PHIP: variants seen among roughly 807,000 people sequenced by gnomAD.
The protein encoded by PHIP is PH-interacting protein.
In PHIP, 54 loss-of-function variants were observed where a neutral mutation model predicts 236.8. That is an observed-to-expected ratio of 0.23 (90% CI 0.18 to 0.29). The LOEUF (loss-of-function observed/expected upper bound fraction) is 0.29. PHIP is among the 10% of genes least tolerant of loss of function. PHIP has a pLI of 1.00. For missense variants in PHIP, 1,370 were observed against 2,190.8 expected, an observed-to-expected ratio of 0.63 and a Z score of 7.48; for synonymous variants, 756 against 718.9, an observed-to-expected ratio of 1.05 and a Z score of -0.83.
At chr6:78,955,923 CTT>C (rs1766391539) in intron 32 of PHIP, 2 of 262,914 alleles carry the variant, frequency 7.6e-6, no homozygotes, top group Admixed American at 5.4e-5. Flanking sequence ...ATCTCCCAGT[CTT>C]TGCTTAGGTA....
chr6:78,972,747 C>G (rs1289142706), intron 24 of PHIP, among the ~76,000 whole-genome samples: 1 of 151,892 alleles, frequency 6.6e-6, no homozygotes, highest in East Asian at 1.9e-4. Flanking sequence ...GCCTCAGGAG[C>G]CGATGCGATG....
intron 16 of PHIP, among the ~76,000 whole-genome samples, chr6:79,002,556 C>T (rs1398119601): frequency 6.6e-6 from 1 of 152,108 alleles, no homozygotes; most frequent in Non-Finnish European, 1.5e-5. Context: ...AGCATATCCA[C>T]ATTGTCTAGA....
At chr6:79,054,911 C>T (rs934493500) in intron 6 of PHIP, among the ~76,000 whole-genome samples, 1 of 150,938 alleles carries the variant, frequency 6.6e-6, no homozygotes, top group Non-Finnish European at 1.5e-5. Flanking sequence ...CTCAGAGAAT[C>T]ACAAAATTAT....
intron 4 of PHIP, among the ~76,000 whole-genome samples, chr6:79,068,723 G>A (rs908019747): frequency 3.9e-5 from 6 of 152,056 alleles, no homozygotes; most frequent in Non-Finnish European, 7.4e-5. Context: ...TTGACCCTTC[G>A]TGTTGAACAA....
chr6:79,033,484 G>A (rs900860242), intron 7 of PHIP, among the ~76,000 whole-genome samples: 8 of 152,176 alleles, frequency 5.3e-5, no homozygotes, highest in Non-Finnish European at 8.8e-5. Flanking sequence ...GTTGCTTCAC[G>A]TTGCACTTTT....
chr6:79,011,023 AG>A lies in PHIP; in HGVS notation c.1524+4058del, dbSNP rs145806684. Among the ~76,000 whole-genome samples the A allele has an allele frequency of 5.2e-3, 797 of 151,974 alleles. 11 individuals are homozygous for A. The highest frequency in any genetic ancestry group is 0.018 in the African/African-American group (751 of 41,544). The stretch of plus-strand genomic sequence containing the variant: ...GTCCTGAGAGTTGCACACATTTTCA[AG>A]CTATTTCTGGGAATTATTTATCTGC... On this transcript the variant is annotated intron_variant, in intron 15 of 39. Transcript: ENST00000275034.
At chr6:79,012,494 T>C (rs758942602) in intron 15 of PHIP, among the ~76,000 whole-genome samples, 3 of 151,716 alleles carry the variant, frequency 2.0e-5, no homozygotes, top group Admixed American at 2.0e-4. Context: ...CATCCTCTAA[T>C]AGACCAAAGC....
chr6:79,016,695 A>G, intron 12 of PHIP, 53 bp from the exon 13 acceptor site: 14 of 1,071,182 alleles, frequency 1.3e-5, no homozygotes, highest in Non-Finnish European at 1.9e-5. Context: ...TGCTTTACCA[A>G]AATGCACTTT....
intron 39 of PHIP, among the ~76,000 whole-genome samples, chr6:78,942,915 G>A (rs1773576380): frequency 6.6e-6 from 1 of 152,108 alleles, no homozygotes; most frequent in Admixed American, 6.6e-5. Context: ...AATGAATGCA[G>A]CTTTCTTAAA....
chr6:79,005,970 T>C (rs1200993205), intron 15 of PHIP, among the ~76,000 whole-genome samples: 1 of 152,014 alleles, frequency 6.6e-6, no homozygotes, highest in Non-Finnish European at 1.5e-5. Flanking sequence ...AGCAATCATA[T>C]TTAAGATGCC....
chr6:78,946,620 G>T, intron 37 of PHIP, 91 bp downstream of exon 37: 2 of 1,455,516 alleles, frequency 1.4e-6, no homozygotes, highest in Non-Finnish European at 1.8e-6. Flanking sequence ...GCAATATAGG[G>T]AATAGTAAAG....
intron 7 of PHIP, among the ~76,000 whole-genome samples, chr6:79,034,969 T>C (rs141176344): frequency 5.5e-4 from 84 of 152,258 alleles, no homozygotes; most frequent in Non-Finnish European, 9.7e-4. Context: ...ACTTATGAGA[T>C]AGAACTGGCT....
At chr6:79,075,690 A>G (rs1189488136) in intron 4 of PHIP, among the ~76,000 whole-genome samples, 1 of 151,862 alleles carries the variant, frequency 6.6e-6, no homozygotes, top group African/African-American at 2.4e-5. Context: ...CATTACCATA[A>G]TTTAGCCAGA....
intron 7 of PHIP, among the ~76,000 whole-genome samples, chr6:79,031,707 C>A (rs1021552647): frequency 2.6e-5 from 4 of 152,132 alleles, no homozygotes; most frequent in African/African-American, 9.7e-5. Context: ...AGGAAGAAAA[C>A]AGCATCAGAT....
Position 78,945,405 on chromosome 6 carries a change from C to T in PHIP, c.4723G>A (p.Ala1575Thr), listed in dbSNP as rs752037326. Residue 1575 changes from alanine (A) to threonine (T), a missense_variant, in exon 39 of 40, where the codon GCA becomes ACA. Ala to Thr is a moderately conservative substitution (Grantham distance 58, BLOSUM62 0). Coordinates refer to ENST00000275034, the MANE Select transcript of PHIP (RefSeq NM_017934.7). The stretch of plus-strand genomic sequence containing the variant: ...TTTTCCTTTTCCATGTTTTCTTTTG[C>T]AGAATTATTCCTAGTGCCATGACTA... ...SFSHGTRNNSAKENMEKEKPV... is the reference protein window; with the variant it reads ...SFSHGTRNNSTKENMEKEKPV... The T allele has an allele frequency of 6.2e-7, 1 of 1,611,932 alleles. No homozygotes were observed. Among genetic ancestry groups the T allele is most frequent in the Admixed American group, 1.7e-5 (1 of 60,008 alleles).
At chr6:78,986,484 G>C (rs1768875718) in intron 21 of PHIP, among the ~76,000 whole-genome samples, 1 of 152,142 alleles carries the variant, frequency 6.6e-6, no homozygotes, top group African/African-American at 2.4e-5. Context: ...TGCACTATTG[G>C]TGATAGAGAG....
intron 9 of PHIP, among the ~76,000 whole-genome samples, chr6:79,021,468 G>A (rs1771113546): frequency 6.6e-6 from 1 of 152,204 alleles, no homozygotes; most frequent in African/African-American, 2.4e-5. Context: ...AGATTTGGAA[G>A]GAACCACAGT....
intron 35 of PHIP, among the ~76,000 whole-genome samples, chr6:78,952,514 C>T (rs1766109687): frequency 6.7e-6 from 1 of 150,036 alleles, no homozygotes; most frequent in Non-Finnish European, 1.5e-5. Flanking sequence ...TCTGTCTATT[C>T]TCTTCCACTG....
intron 4 of PHIP, among the ~76,000 whole-genome samples, chr6:79,072,916 A>G (rs956297454): frequency 3.9e-5 from 6 of 152,222 alleles, no homozygotes; most frequent in Non-Finnish European, 5.9e-5. Context: ...ACCACTACTA[A>G]AGTTCTGATA....
Sources: allele counts gnomAD v4.1 joint callset (sites outside exome capture counted in the v4.1 genomes callset), GRCh38; gene constraint gnomAD v4.1.1; transcripts MANE v1.5; gene names NCBI Gene and HGNC (gene_info 2026-07-23, HGNC 2026-07-21).